PCYT1B: variants seen among roughly 807,000 people sequenced by gnomAD.
PCYT1B encodes the protein phosphate cytidylyltransferase 1B, choline, also known as choline-phosphate cytidylyltransferase B.
Under a neutral mutation model 26.4 loss-of-function variants are expected in PCYT1B, and 10 were observed. The ratio of observed to expected loss-of-function variants is 0.38; its 90% CI spans 0.23 to 0.64. PCYT1B has a LOEUF of 0.64. Ranked by LOEUF, PCYT1B falls within the 30% of genes least tolerant of loss-of-function variation. The pLI, the probability that PCYT1B is intolerant of heterozygous loss-of-function variation, is 0.56. For missense variants in PCYT1B, 161 were observed against 292.7 expected, an observed-to-expected ratio of 0.55 and a Z score of 3.28; for synonymous variants, 131 against 108.4, an observed-to-expected ratio of 1.21 and a Z score of -1.29.
rs144531729 is a variant in PCYT1B, at chrX:24,605,311, T to C, written c.334+2434A>G. 5.4e-3 allele frequency among the ~76,000 whole-genome samples: 597 copies of C among 111,582 alleles called. 2 individuals are homozygous for C. The highest frequency in any genetic ancestry group is 0.018 in the African/African-American group (553 of 30,749). ...CTGTTGTCTTGACTGGTGAGAATCCTGCACAAGGAAGACTGGATGTTCTGG... is the reference window on the plus strand; with the variant it reads ...CTGTTGTCTTGACTGGTGAGAATCCCGCACAAGGAAGACTGGATGTTCTGG... On this transcript the variant is annotated intron_variant, in intron 3 of 7. Coordinates refer to ENST00000379144, the MANE Select transcript of PCYT1B (RefSeq NM_004845.5).
chrX:24,661,745 G>A (rs764784931), intron 1 of PCYT1B, among the ~76,000 whole-genome samples: 1 of 112,291 alleles, frequency 8.9e-6, no homozygotes. Context: ...ATTGCAATAT[G>A]TACACTGTAT....
chrX:24,559,648 T>C lies in PCYT1B; in HGVS notation c.*2645A>G, dbSNP rs1231056052. On this transcript the variant is annotated 3_prime_UTR_variant, in exon 8 of 8. Transcript: ENST00000379144. Reference sequence around the variant, plus strand: ...ACTAGGGCAAAAAGAATCTCTTTCCTTGCTTTGTGTTATTCCTGCTTACCC... The same window carrying C: ...ACTAGGGCAAAAAGAATCTCTTTCCCTGCTTTGTGTTATTCCTGCTTACCC... 9.0e-6 allele frequency: 1 copy of C among 111,368 alleles called. No individual in the cohort carries two copies. The highest frequency in any genetic ancestry group is 2.8e-4 in the East Asian group (1 of 3,560). 9.2% of individuals were successfully genotyped at this position (111,368 alleles called of 1,213,427 possible). A position where few individuals can be genotyped will look rare whatever the true frequency, so the allele number is the denominator to read the frequency against.
chrX:24,626,525 C>T (rs1706472549), intron 1 of PCYT1B, among the ~76,000 whole-genome samples: 2 of 111,852 alleles, frequency 1.8e-5, no homozygotes, highest in African/African-American at 6.5e-5. Context: ...GTTCATAATG[C>T]AAAAATAAAT....
chrX:24,594,657 C>G (rs1924720645), intron 3 of PCYT1B, among the ~76,000 whole-genome samples: 1 of 112,178 alleles, frequency 8.9e-6, no homozygotes, highest in Non-Finnish European at 1.9e-5. Flanking sequence ...AGCAGCTGAA[C>G]ATGCTGACCA....
At position 24,573,133 on chromosome X, in the gene PCYT1B, TACACACAC is replaced by T. The variant is rs768268080; in HGVS notation, c.897+1989_897+1996del. On this transcript the variant is annotated intron_variant, in intron 7 of 7. Coordinates refer to ENST00000379144, the MANE Select transcript of PCYT1B (RefSeq NM_004845.5). ...ATATACCCACACATATACACACACA[TACACACAC>T]ACACACACACACACACACACACATA... is the stretch of plus-strand genomic sequence containing the variant. Among the ~76,000 whole-genome samples, 567 of 93,219 alleles carry T rather than the reference TACACACAC, an allele frequency of 6.1e-3. 3 individuals are homozygous for T. The highest frequency in any genetic ancestry group is 9.0e-3 in the Non-Finnish European group (429 of 47,569). The allele number at this position is 93,219 out of a possible 115,157, so 80.9% of individuals were successfully genotyped here.
chrX:24,657,548 C>T (rs1926947693), intron 1 of PCYT1B, among the ~76,000 whole-genome samples: 1 of 112,188 alleles, frequency 8.9e-6, no homozygotes, highest in Admixed American at 9.5e-5. Flanking sequence ...ACTGACTTAA[C>T]ATTGAAACTC....
chrX:24,622,073 G>A (rs1457614901), intron 1 of PCYT1B, among the ~76,000 whole-genome samples: 1 of 112,464 alleles, frequency 8.9e-6, no homozygotes, highest in Non-Finnish European at 1.9e-5. Flanking sequence ...GTTTGCATGT[G>A]TGCACAGGTG....
intron 1 of PCYT1B, among the ~76,000 whole-genome samples, chrX:24,645,623 G>A (rs1202802449): frequency 9.0e-6 from 1 of 111,672 alleles, no homozygotes; most frequent in East Asian, 2.8e-4. Context: ...AAGTTGTTTA[G>A]TGACTCAAAG....
At chrX:24,667,156 G>T (rs1241912508) in intron 1 of PCYT1B, among the ~76,000 whole-genome samples, 1 of 110,510 alleles carries the variant, frequency 9.0e-6, no homozygotes, top group Non-Finnish European at 1.9e-5. Flanking sequence ...CAAGCGGAGA[G>T]CCAGATTCAG....
At chrX:24,624,214 C>T (rs1456566661) in intron 1 of PCYT1B, among the ~76,000 whole-genome samples, 4 of 111,027 alleles carry the variant, frequency 3.6e-5, no homozygotes, top group African/African-American at 9.8e-5. Flanking sequence ...CGTGATCCGC[C>T]CGCCTTGGCC....
At chrX:24,601,346 A>G (rs1038240723) in intron 3 of PCYT1B, among the ~76,000 whole-genome samples, 3 of 111,284 alleles carry the variant, frequency 2.7e-5, no homozygotes, top group African/African-American at 9.8e-5. Context: ...TACAACAATT[A>G]GCCAGGTGTG....
chrX:24,608,389 G>A (rs12011918), intron 2 of PCYT1B, among the ~76,000 whole-genome samples: 12,560 of 111,481 alleles, frequency 0.11, 1,737 homozygotes, highest in African/African-American at 0.39. Flanking sequence ...CACGACAGAA[G>A]TTGGCAAATG....
At chrX:24,583,461 A>T (rs1334441886) in intron 5 of PCYT1B, among the ~76,000 whole-genome samples, 1 of 112,157 alleles carries the variant, frequency 8.9e-6, no homozygotes, top group Non-Finnish European at 1.9e-5. Context: ...CCTCTGCTAA[A>T]ATCCTGCCCC....
At chrX:24,653,945 C>T (rs1289428635) in intron 1 of PCYT1B, among the ~76,000 whole-genome samples, 2 of 106,965 alleles carry the variant, frequency 1.9e-5, no homozygotes, top group African/African-American at 6.8e-5. Context: ...TTAGTAGAGG[C>T]GGGTTTTCAC....
intron 1 of PCYT1B, among the ~76,000 whole-genome samples, chrX:24,625,592 G>T (rs1287353845): frequency 9.2e-6 from 1 of 108,227 alleles, no homozygotes; most frequent in Non-Finnish European, 1.9e-5. Flanking sequence ...GTTATGTATG[G>T]AATGTACATG....
At position 24,562,420 on chromosome X, in the gene PCYT1B, C is replaced by T. The variant is rs771768530; in HGVS notation, c.983G>A (p.Arg328Gln). Reference protein sequence around the residue: ...QSPVSSPTRSRSPSRSPSPTF... With the variant: ...QSPVSSPTRSQSPSRSPSPTF... Reference sequence around the variant, plus strand: ...GGGCGATGGGGAGCGGGAAGGGGACCGGCTCCGGGTTGGGCTGCTCACAGG... The same window carrying T: ...GGGCGATGGGGAGCGGGAAGGGGACTGGCTCCGGGTTGGGCTGCTCACAGG... The change falls in exon 8 of 8, where the codon CGG (arginine) becomes CAG (glutamine). Residue 328 changes from arginine (R) to glutamine (Q), a missense_variant. Arg to Gln is a conservative substitution (Grantham distance 43). Coordinates refer to ENST00000379144, the MANE Select transcript of PCYT1B (RefSeq NM_004845.5). 78 of 1,190,548 alleles carry T rather than the reference C, an allele frequency of 6.6e-5. 1 individual carries two copies. In the South Asian group the frequency reaches 1.2e-3, roughly 18 times the overall value.
intron 2 of PCYT1B, 120 bp from the exon 3 acceptor site, chrX:24,607,981 T>C (rs1925190798): frequency 2.3e-6 from 1 of 438,687 alleles, no homozygotes; most frequent in South Asian, 4.0e-5. Flanking sequence ...CAGTTTCATA[T>C]CAGTGCACGA....
intron 1 of PCYT1B, among the ~76,000 whole-genome samples, chrX:24,630,098 C>T (rs1926019868): frequency 9.0e-6 from 1 of 111,467 alleles, no homozygotes; most frequent in Non-Finnish European, 1.9e-5. Flanking sequence ...AAAAATTCCA[C>T]ATTCTAAATA....
At chrX:24,611,965 C>A (rs1364180568) in intron 2 of PCYT1B, among the ~76,000 whole-genome samples, 1 of 111,025 alleles carries the variant, frequency 9.0e-6, no homozygotes, top group African/African-American at 3.3e-5. Context: ...AAGAATGAAA[C>A]TTTGTCAAAA....
Sources: gnomAD v4.1 joint callset for allele counts (sites outside exome capture counted in the v4.1 genomes callset) on GRCh38, gnomAD v4.1.1 for gene constraint, MANE v1.5 for transcripts, NCBI Gene and HGNC (gene_info 2026-07-23, HGNC 2026-07-21) for gene names.